NSMCE2: variants seen among roughly 807,000 people sequenced by gnomAD.
The protein encoded by NSMCE2 is E3 SUMO-protein ligase NSE2.
NSMCE2 carries 24 observed loss-of-function variants against 23.8 expected under a neutral mutation model. That is an observed-to-expected ratio of 1.01 (90% CI 0.73 to 1.42). The LOEUF (loss-of-function observed/expected upper bound fraction) is 1.42. Ranked by LOEUF, NSMCE2 falls within the 40% of genes most tolerant of loss-of-function variation. NSMCE2 has a pLI of 0.00. For synonymous variants in NSMCE2, 92 were observed against 94.1 expected (o/e 0.98, Z 0.13); for missense variants, 284 against 296.5 (o/e 0.96, Z 0.31).
At chr8:125,357,884 A>G in intron 7 of NSMCE2, 66 bp downstream of exon 7, 1 of 1,099,214 alleles carries the variant, frequency 9.1e-7, no homozygotes, top group African/African-American at 1.5e-5. Flanking sequence ...TGGCGTGTTC[A>G]CGCTAGAGGA....
intron 5 of NSMCE2, among the ~76,000 whole-genome samples, chr8:125,302,869 G>A (rs1828618345): frequency 6.6e-6 from 1 of 152,108 alleles, no homozygotes; most frequent in South Asian, 2.1e-4. Flanking sequence ...TCAGGAACTG[G>A]ATAGGAAGTT....
intron 4 of NSMCE2, among the ~76,000 whole-genome samples, chr8:125,161,259 A>G (rs1350042736): frequency 6.6e-6 from 1 of 152,084 alleles, no homozygotes; most frequent in Non-Finnish European, 1.5e-5. Flanking sequence ...TATTTAAACC[A>G]CTAAAGCTTT....
At chr8:125,337,902 A>AAG (rs1554640502) in intron 5 of NSMCE2, among the ~76,000 whole-genome samples, 51 of 147,904 alleles carry the variant, frequency 3.4e-4, no homozygotes, top group Admixed American at 1.4e-3. Context: ...AAAAAAAAAA[A>AAG]AAAGAAAGAA....
At chr8:125,336,481 G>A (rs987209745) in intron 5 of NSMCE2, among the ~76,000 whole-genome samples, 9 of 152,176 alleles carry the variant, frequency 5.9e-5, no homozygotes, top group African/African-American at 1.9e-4. Flanking sequence ...GTTGGAGAAG[G>A]GGAAGGAGGA....
rs150437233 is a variant in NSMCE2 at position 125,118,219 on chromosome 8, G to A, written c.157+15732G>A. On this transcript the variant is annotated intron_variant, in intron 3 of 7. Coordinates refer to ENST00000287437, the MANE Select transcript of NSMCE2 (RefSeq NM_173685.4). The stretch of plus-strand genomic sequence containing the variant: ...AAATTAGCTGGGCATGGTGGCACAC[G>A]CCTCTAGTCCCAGCTACTCGGGAGG... Among the ~76,000 whole-genome samples the A allele has an allele frequency of 3.8e-3, 580 of 152,162 alleles. 3 individuals carry two copies. The highest frequency in any genetic ancestry group is 0.011 in the Admixed American group (175 of 15,296).
intron 4 of NSMCE2, among the ~76,000 whole-genome samples, chr8:125,165,186 C>A (rs1821812855): frequency 2.0e-5 from 3 of 152,176 alleles, no homozygotes; most frequent in Admixed American, 1.3e-4. Context: ...AACAGTGATA[C>A]CTCATAGGGC....
intron 5 of NSMCE2, among the ~76,000 whole-genome samples, chr8:125,184,067 T>C (rs973668493): frequency 6.6e-6 from 1 of 152,168 alleles, no homozygotes; most frequent in Non-Finnish European, 1.5e-5. Flanking sequence ...TTGGTCTAAG[T>C]AGCCAAATGT....
intron 5 of NSMCE2, among the ~76,000 whole-genome samples, chr8:125,208,137 T>G (rs1223670821): frequency 6.6e-6 from 1 of 152,226 alleles, no homozygotes; most frequent in Non-Finnish European, 1.5e-5. Context: ...TGTATGTGTG[T>G]GTGTGTTTCA....
intron 5 of NSMCE2, among the ~76,000 whole-genome samples, chr8:125,280,172 A>G (rs968210506): frequency 6.6e-6 from 1 of 152,238 alleles, no homozygotes; most frequent in African/African-American, 2.4e-5. Context: ...CTTTATTAAC[A>G]TAAGCAAGAA....
intron 3 of NSMCE2, among the ~76,000 whole-genome samples, chr8:125,134,725 T>C (rs1819972647): frequency 6.8e-6 from 1 of 147,018 alleles, no homozygotes; most frequent in African/African-American, 2.5e-5. Flanking sequence ...CGGATTCCTT[T>C]TTTTTTTTTT....
At chr8:125,234,770 C>G (rs1445449664) in intron 5 of NSMCE2, among the ~76,000 whole-genome samples, 1 of 152,144 alleles carries the variant, frequency 6.6e-6, no homozygotes, top group Non-Finnish European at 1.5e-5. Context: ...TCAATGTAAA[C>G]TTGGAGCTAG....
At chr8:125,186,732 T>A (rs765980978) in intron 5 of NSMCE2, among the ~76,000 whole-genome samples, 1 of 152,184 alleles carries the variant, frequency 6.6e-6, no homozygotes, top group African/African-American at 2.4e-5. Context: ...ATTTTGAGGC[T>A]GGGTTCAGCC....
intron 3 of NSMCE2, among the ~76,000 whole-genome samples, chr8:125,129,991 A>T (rs1819684041): frequency 6.6e-6 from 1 of 152,138 alleles, no homozygotes; most frequent in Non-Finnish European, 1.5e-5. Context: ...TCCAGACTTT[A>T]TTTGGATTTC....
chr8:125,197,682 T>G (rs977867331), intron 5 of NSMCE2, among the ~76,000 whole-genome samples: 1 of 152,218 alleles, frequency 6.6e-6, no homozygotes. Flanking sequence ...GGGCTCTTTT[T>G]TGGTTCCATG....
intron 3 of NSMCE2, among the ~76,000 whole-genome samples, chr8:125,136,192 T>A (rs1820059575): frequency 6.6e-6 from 1 of 152,200 alleles, no homozygotes; most frequent in Non-Finnish European, 1.5e-5. Flanking sequence ...TGGCAGGTTT[T>A]TGATAAACAG....
chr8:125,100,199 G>C (rs1215443893), intron 1 of NSMCE2, among the ~76,000 whole-genome samples: 1 of 152,142 alleles, frequency 6.6e-6, no homozygotes, highest in Non-Finnish European at 1.5e-5. Context: ...CAGTGAGAGT[G>C]AGGATAGAGG....
At chr8:125,317,261 A>G (rs1354067633) in intron 5 of NSMCE2, among the ~76,000 whole-genome samples, 2 of 151,798 alleles carry the variant, frequency 1.3e-5, no homozygotes, top group Non-Finnish European at 2.9e-5. Context: ...GCAGTGATGC[A>G]ATCACAGCTC....
At chr8:125,128,257 A>G (rs764216078) in intron 3 of NSMCE2, among the ~76,000 whole-genome samples, 1 of 152,160 alleles carries the variant, frequency 6.6e-6, no homozygotes, top group Non-Finnish European at 1.5e-5. Context: ...AATGTGGGAA[A>G]TGGCTTCCTA....
chr8:125,129,729 C>T (rs1253126839), intron 3 of NSMCE2, among the ~76,000 whole-genome samples: 1 of 151,974 alleles, frequency 6.6e-6, no homozygotes, highest in African/African-American at 2.4e-5. Flanking sequence ...TTTTTAAATG[C>T]AACTTCATCT....
Sources: gnomAD v4.1 joint callset for allele counts (sites outside exome capture counted in the v4.1 genomes callset) on GRCh38, gnomAD v4.1.1 for gene constraint, MANE v1.5 for transcripts, NCBI Gene and HGNC (gene_info 2026-07-23, HGNC 2026-07-21) for gene names.